The following NTNG2 variants were observed in gnomAD, a reference collection of about 807,000 sequenced individuals.
NTNG2 encodes the protein netrin G2.
Under a neutral mutation model 47.6 loss-of-function variants are expected in NTNG2, and 15 were observed. That is an observed-to-expected ratio of 0.32 (90% CI 0.21 to 0.49). NTNG2 has a LOEUF of 0.49. NTNG2 is among the 20% of genes least tolerant of loss of function. The pLI is 0.99. For missense variants in NTNG2, 578 were observed against 764.6 expected (o/e 0.76, Z 2.88); for synonymous variants, 307 against 324.6 (o/e 0.95, Z 0.58).
chr9:132,182,022 TCTC>T lies in NTNG2; in HGVS notation c.213+14983_213+14985del, dbSNP rs2131363601. 6.6e-6 allele frequency among the ~76,000 whole-genome samples: 1 copy of T among 152,230 alleles called. No individual in the cohort carries two copies. Among genetic ancestry groups the T allele is most frequent in the African/African-American group, 2.4e-5 (1 of 41,522 alleles). The stretch of plus-strand genomic sequence containing the variant: ...GGTGAGCATACTGTCCCTGTCAGCC[TCTC>T]CTCCCCCAGCACACCCCGGCAGCCC... On this transcript the variant is annotated intron_variant, in intron 2 of 7. Transcript: ENST00000393229. The surrounding 1 kb of genome is among the most constrained non-coding windows in gnomAD (Gnocchi z 4.2).
chr9:132,166,867 C>T lies in NTNG2; in HGVS notation c.36C>T (p.Leu12=). Residue 12 remains leucine (L), a synonymous_variant, in exon 2 of 8, where the codon CTC becomes CTT. Coordinates refer to ENST00000393229, the MANE Select transcript of NTNG2 (RefSeq NM_032536.4). ...TGCTGGCGCTCTTCCTGCACTGCCT[C>T]CCTCTGGCCTCTGGGGACTATGACA... is the stretch of plus-strand genomic sequence containing the variant. ...LHLLALFLHC[L]PLASGDYDIC... is the part of the protein sequence containing the mutation. 1 of 1,614,246 alleles carries T rather than the reference C, an allele frequency of 6.2e-7. No individual in the cohort carries two copies. The highest frequency in any genetic ancestry group is 8.5e-7 in the Non-Finnish European group (1 of 1,180,048).
intron 2 of NTNG2, among the ~76,000 whole-genome samples, chr9:132,174,301 C>G: frequency 7.5e-6 from 1 of 133,280 alleles, no homozygotes; most frequent in South Asian, 2.5e-4. Context: ...CCGCACCATG[C>G]TGCGGATGAG....
At chr9:132,187,756 C>T (rs1837517718) in intron 2 of NTNG2, among the ~76,000 whole-genome samples, 1 of 152,194 alleles carries the variant, frequency 6.6e-6, no homozygotes, top group East Asian at 1.9e-4. Context: ...AGGAAGTAAT[C>T]TGTTAAGGAG....
intron 2 of NTNG2, among the ~76,000 whole-genome samples, chr9:132,184,939 G>C (rs1157171579): frequency 6.6e-6 from 1 of 152,192 alleles, no homozygotes; most frequent in Non-Finnish European, 1.5e-5. Context: ...AACAAGGCTG[G>C]AAAGACAAGG....
chr9:132,239,942 A>G (rs906084911), intron 6 of NTNG2, among the ~76,000 whole-genome samples: 1 of 152,244 alleles, frequency 6.6e-6, no homozygotes, highest in Non-Finnish European at 1.5e-5. Flanking sequence ...AGTTCTACTC[A>G]AGGACTGGCT....
chr9:132,187,513 T>A (rs1488280253), intron 2 of NTNG2, among the ~76,000 whole-genome samples: 2 of 147,618 alleles, frequency 1.4e-5, no homozygotes, highest in Non-Finnish European at 3.0e-5. Flanking sequence ...GGGACAGCGA[T>A]CAATGAAACC....
intron 2 of NTNG2, among the ~76,000 whole-genome samples, chr9:132,188,374 C>A (rs80099439): frequency 1.3e-5 from 2 of 152,254 alleles, no homozygotes; most frequent in African/African-American, 4.8e-5. Context: ...GAGCACAGTG[C>A]GGCCCAGGCA....
chr9:132,188,194 C>G (rs957929120), intron 2 of NTNG2, among the ~76,000 whole-genome samples: 2 of 152,262 alleles, frequency 1.3e-5, no homozygotes, highest in African/African-American at 2.4e-5. Flanking sequence ...CCTGGGCACC[C>G]ACACCCAGGG....
In NTNG2 at chr9:132,198,138, A is replaced by G. The variant is rs1442339467; in HGVS notation, c.386A>G (p.Lys129Arg). 6.2e-7 allele frequency: 1 copy of G among 1,613,798 alleles called. No homozygotes were observed. Among genetic ancestry groups the G allele is most frequent in the Non-Finnish European group, 8.5e-7 (1 of 1,180,020 alleles). The change falls in exon 3 of 8, where the codon AAG (lysine) becomes AGG (arginine). Residue 129 changes from lysine to arginine, a missense_variant. Lys to Arg is a conservative substitution (Grantham distance 26). Transcript: ENST00000393229. The part of the protein sequence containing the change: ...LEANITLSWN[K>R]TVELTDDVVM... ...GCCAACATCACCCTTTCGTGGAACA[A>G]GACCGTGGAGCTGACCGACGACGTG...
At chr9:132,228,285 G>C (rs750143259) in intron 4 of NTNG2, among the ~76,000 whole-genome samples, 86 of 152,248 alleles carry the variant, frequency 5.6e-4, no homozygotes, top group Non-Finnish European at 8.4e-4. Flanking sequence ...CGGTGAGACA[G>C]GCCTTTGAAG....
At chr9:132,171,836 G>T (rs758482786) in intron 2 of NTNG2, among the ~76,000 whole-genome samples, 5 of 152,220 alleles carry the variant, frequency 3.3e-5, no homozygotes, top group African/African-American at 4.8e-5. Flanking sequence ...CGGCCCGATG[G>T]CTCTGGCCTC....
At chr9:132,202,476 CCTCCCGCGGAGCCTG>C (rs1272107174) in intron 3 of NTNG2, among the ~76,000 whole-genome samples, 1 of 152,212 alleles carries the variant, frequency 6.6e-6, no homozygotes, top group Non-Finnish European at 1.5e-5. Flanking sequence ...CCCCTCCCTG[CCTCCCGCGGAGCCTG>C]CTCCACGTGC....
chr9:132,183,705 T>C (rs893099385), intron 2 of NTNG2, among the ~76,000 whole-genome samples: 1 of 152,314 alleles, frequency 6.6e-6, no homozygotes, highest in Non-Finnish European at 1.5e-5. Flanking sequence ...GCTCAGGGGC[T>C]CTTGGCTTCC....
chr9:132,186,502 T>C (rs571957561), intron 2 of NTNG2, among the ~76,000 whole-genome samples: 1 of 152,288 alleles, frequency 6.6e-6, no homozygotes, highest in Non-Finnish European at 1.5e-5. Context: ...ACGGAGGAGA[T>C]CAGTCATTCA....
rs1840116984 is a variant in NTNG2, at chr9:132,218,228, C to T, written c.858-8621C>T. ...CTAAGTGTGGCTCTGAATCGAGCTG[C>T]TTGGATTCAAGTCCTGCGTCTGCCC... On this transcript the variant is annotated intron_variant, in intron 3 of 7. Coordinates refer to ENST00000393229, the MANE Select transcript of NTNG2 (RefSeq NM_032536.4). The surrounding 1 kb of genome is among the most constrained non-coding windows in gnomAD (Gnocchi z 5.4). 6.6e-6 allele frequency among the ~76,000 whole-genome samples: 1 copy of T among 152,228 alleles called. No homozygotes were observed.
Position 132,221,867 on chromosome 9 carries a change from A to T in NTNG2, c.858-4982A>T, listed in dbSNP as rs1840373851. The stretch of plus-strand genomic sequence containing the variant: ...GCTTCTTGGATTCGGCCGGTCTTCT[A>T]TGCATCTTTACTAAGCCAAGGTCAA... On this transcript the variant is annotated intron_variant, in intron 3 of 7. Coordinates refer to ENST00000393229, the MANE Select transcript of NTNG2 (RefSeq NM_032536.4). This position sits in a 1 kb window ranked among gnomAD's most constrained non-coding sequence, Gnocchi z 4.2. Among the ~76,000 whole-genome samples the T allele has an allele frequency of 1.3e-5, 2 of 152,188 alleles. No homozygotes were observed. The highest frequency in any genetic ancestry group is 6.5e-5 in the Admixed American group (1 of 15,280).
rs1842037776 is a variant in NTNG2 at position 132,242,251 on chromosome 9, G to C, written c.*140G>C. 8.2e-6 allele frequency: 2 copies of C among 245,346 alleles called. No individual in the cohort carries two copies. Among genetic ancestry groups the C allele is most frequent in the African/African-American group, 4.7e-5 (2 of 42,874 alleles). 15.2% of individuals were successfully genotyped at this position (245,346 alleles called of 1,614,324 possible). A position where few individuals can be genotyped will look rare whatever the true frequency, so the allele number is the denominator to read the frequency against. ...TGCTACTCAGCAGGGCCCCCCGCCC[G>C]GCCCGCGCTCCCGCCCGCACTGCCC... On this transcript the variant is annotated 3_prime_UTR_variant, in exon 8 of 8. Coordinates refer to ENST00000393229, the MANE Select transcript of NTNG2 (RefSeq NM_032536.4). The surrounding 1 kb of genome is among the most constrained non-coding windows in gnomAD (Gnocchi z 5.9).
chr9:132,241,360 G>A, intron 7 of NTNG2: 1 of 448,820 alleles, frequency 2.2e-6, no homozygotes, highest in South Asian at 2.7e-5. Context: ...GGAGCTGGCA[G>A]GTGGGCGGGG....
intron 3 of NTNG2, among the ~76,000 whole-genome samples, chr9:132,219,637 A>G (rs1341127367): frequency 6.6e-6 from 1 of 151,940 alleles, no homozygotes; most frequent in Non-Finnish European, 1.5e-5. Flanking sequence ...TTCATCACTG[A>G]CCGCTTTCAC....
Sources: gnomAD v4.1 joint callset for allele counts (sites outside exome capture counted in the v4.1 genomes callset) on GRCh38, gnomAD v4.1.1 for gene constraint, Gnocchi (gnomAD v3.1) non-coding constraint, MANE v1.5 for transcripts, NCBI Gene and HGNC (gene_info 2026-07-23, HGNC 2026-07-21) for gene names.